Variants in VSNL1 observed in about 807,000 individuals in gnomAD.
VSNL1 encodes the protein visinin like 1, also known as visinin-like protein 1.
VSNL1 carries 6 observed loss-of-function variants against 20.4 expected under a neutral mutation model. The ratio of observed to expected loss-of-function variants is 0.29; its 90% confidence interval spans 0.16 to 0.58. VSNL1 has a LOEUF of 0.58. VSNL1 is among the 20% of genes least tolerant of loss of function. The pLI is 0.90. For synonymous variants in VSNL1, 93 were observed against 86.4 expected (o/e 1.08, Z -0.42); for missense variants, 100 against 234.5 (o/e 0.43, Z 3.75).
intron 1 of VSNL1, among the ~76,000 whole-genome samples, chr2:17,590,998 A>G (rs2103375055): frequency 6.6e-6 from 1 of 152,276 alleles, no homozygotes; most frequent in African/African-American, 2.4e-5. Flanking sequence ...TATTATTAGC[A>G]ATAGTCTTAT....
chr2:17,637,159 C>T (rs1311088834), intron 2 of VSNL1, among the ~76,000 whole-genome samples: 1 of 152,210 alleles, frequency 6.6e-6, no homozygotes, highest in Non-Finnish European at 1.5e-5. Flanking sequence ...GGAGAACTCT[C>T]CCAGTGGAGG....
chr2:17,542,184 A>G (rs1367127885), intron 1 of VSNL1, among the ~76,000 whole-genome samples: 3 of 150,492 alleles, frequency 2.0e-5, no homozygotes, highest in Non-Finnish European at 4.5e-5. Context: ...CCCCACTATC[A>G]TTTAAACTGC....
intron 2 of VSNL1, among the ~76,000 whole-genome samples, chr2:17,642,509 C>T (rs533461229): frequency 5.0e-4 from 76 of 152,074 alleles, no homozygotes; most frequent in African/African-American, 5.3e-4. Flanking sequence ...AGGGTTTCAC[C>T]GTGTTAGCCA....
At chr2:17,589,964 C>T (rs1029664337) in intron 1 of VSNL1, among the ~76,000 whole-genome samples, 3 of 147,134 alleles carry the variant, frequency 2.0e-5, no homozygotes, top group East Asian at 1.9e-4. Context: ...TGTTCCTTCT[C>T]CTGAAATGTC....
At chr2:17,647,817 G>C (rs1261711534) in intron 2 of VSNL1, among the ~76,000 whole-genome samples, 1 of 152,116 alleles carries the variant, frequency 6.6e-6, no homozygotes, top group Non-Finnish European at 1.5e-5. Context: ...TCGGAACACA[G>C]AGACCTCGAG....
intron 2 of VSNL1, among the ~76,000 whole-genome samples, chr2:17,621,525 T>C (rs1259305256): frequency 1.3e-5 from 2 of 152,158 alleles, no homozygotes; most frequent in African/African-American, 2.4e-5. Context: ...TGTTTCACCA[T>C]GTTGGCCAGG....
chr2:17,631,949 T>C (rs1665641770), intron 2 of VSNL1, among the ~76,000 whole-genome samples: 1 of 151,972 alleles, frequency 6.6e-6, no homozygotes, highest in Non-Finnish European at 1.5e-5. Flanking sequence ...TGCAGTGGCA[T>C]GATCTCAGCT....
At chr2:17,614,639 G>T (rs527307933) in intron 2 of VSNL1, among the ~76,000 whole-genome samples, 9 of 152,272 alleles carry the variant, frequency 5.9e-5, no homozygotes, top group Admixed American at 5.9e-4. Flanking sequence ...AGGGCATTTT[G>T]TCTTCTTAGC....
At chr2:17,541,142 T>A (rs1477617899) in intron 1 of VSNL1, 1 of 150,880 alleles carries the variant, frequency 6.6e-6, no homozygotes, top group Non-Finnish European at 1.5e-5. Context: ...ATATGCGGCG[T>A]GTTTGGGGGA....
At chr2:17,572,928 T>C (rs1392731119) in intron 1 of VSNL1, among the ~76,000 whole-genome samples, 1 of 152,220 alleles carries the variant, frequency 6.6e-6, no homozygotes, top group Non-Finnish European at 1.5e-5. Context: ...CACATGAATC[T>C]CTGCTGCAAT....
intron 2 of VSNL1, among the ~76,000 whole-genome samples, chr2:17,609,180 C>T (rs1054671780): frequency 4.6e-5 from 7 of 152,104 alleles, no homozygotes; most frequent in Non-Finnish European, 8.8e-5. Context: ...TTTCTCTTTT[C>T]GTGCTCCTTC....
At chr2:17,603,990 G>C (rs993532569) in intron 2 of VSNL1, among the ~76,000 whole-genome samples, 3 of 152,124 alleles carry the variant, frequency 2.0e-5, no homozygotes, top group Non-Finnish European at 4.4e-5. Context: ...ACACCAGGGG[G>C]GTCAGCAGGT....
chr2:17,653,585 T>G lies in VSNL1; in HGVS notation c.379-1612T>G, dbSNP rs1001769893. 1.8e-4 allele frequency among the ~76,000 whole-genome samples: 27 copies of G among 152,228 alleles called. 3 individuals carry two copies. Among genetic ancestry groups the G allele is most frequent in the Admixed American group, 1.8e-3 (27 of 15,282 alleles). On this transcript the variant is annotated intron_variant, in intron 3 of 3. Coordinates refer to ENST00000295156, the MANE Select transcript of VSNL1 (RefSeq NM_003385.5). The stretch of plus-strand genomic sequence containing the variant: ...AGTCTGCCTCTTTTAGAGACAACTT[T>G]CTTAAAGTGTTCCATGATACATCAA...
chr2:17,564,968 G>A (rs759858335), intron 1 of VSNL1, among the ~76,000 whole-genome samples: 2 of 152,134 alleles, frequency 1.3e-5, no homozygotes, highest in Admixed American at 6.5e-5. Flanking sequence ...AATTAGCAAT[G>A]GAGTATCAGA....
intron 1 of VSNL1, chr2:17,541,829 G>A (rs1045703788): frequency 6.6e-6 from 1 of 152,194 alleles, no homozygotes; most frequent in Non-Finnish European, 1.5e-5. Flanking sequence ...TACCCTCAGG[G>A]GTACAAGAAT....
intron 1 of VSNL1, among the ~76,000 whole-genome samples, chr2:17,576,013 C>T (rs983157504): frequency 6.6e-6 from 1 of 151,898 alleles, no homozygotes; most frequent in Non-Finnish European, 1.5e-5. Context: ...TTATTTGTCC[C>T]TCTCATTGGG....
chr2:17,623,489 G>A (rs1477133356), intron 2 of VSNL1, among the ~76,000 whole-genome samples: 1 of 151,824 alleles, frequency 6.6e-6, no homozygotes, highest in African/African-American at 2.4e-5. Context: ...CTAACACGGC[G>A]AAACCCCGTC....
At chr2:17,618,548 T>C (rs535880841) in intron 2 of VSNL1, among the ~76,000 whole-genome samples, 1 of 152,234 alleles carries the variant, frequency 6.6e-6, no homozygotes, top group South Asian at 2.1e-4. Context: ...TTTTGCCATG[T>C]AAGGTAACAT....
rs753420956 is a variant in VSNL1, at chr2:17,592,251, A to G, written c.162+15A>G. On this transcript the variant is annotated intron_variant, in intron 2 of 3. Transcript: ENST00000295156. ...TCTATGTGAAGGTAAGTTGTTTTTCAACCTTGTTTTTATTCCTTAGGCCAG... is the reference window on the plus strand; with the variant it reads ...TCTATGTGAAGGTAAGTTGTTTTTCGACCTTGTTTTTATTCCTTAGGCCAG... 1 of 1,612,932 alleles carries G rather than the reference A, an allele frequency of 6.2e-7. No individual in the cohort carries two copies. Among genetic ancestry groups the G allele is most frequent in the Non-Finnish European group, 8.5e-7 (1 of 1,179,206 alleles).
Sources: gnomAD v4.1 joint callset for allele counts (sites outside exome capture counted in the v4.1 genomes callset) on GRCh38, gnomAD v4.1.1 for gene constraint, MANE v1.5 for transcripts, NCBI Gene and HGNC (gene_info 2026-07-23, HGNC 2026-07-21) for gene names.